RAD23A: variants seen among roughly 807,000 people sequenced by gnomAD.
The protein encoded by RAD23A is lysine-specific demethylase RAD23A.
RAD23A carries 16 observed loss-of-function variants against 44.8 expected under a neutral mutation model. The ratio of observed to expected loss-of-function variants is 0.36; its 90% CI spans 0.24 to 0.54. The LOEUF (loss-of-function observed/expected upper bound fraction) is 0.54, where lower values mean the gene tolerates loss of function less well. Ranked by LOEUF, RAD23A falls within the 20% of genes least tolerant of loss-of-function variation. The pLI, the probability that RAD23A is intolerant of heterozygous loss-of-function variation, is 0.89. For synonymous variants in RAD23A, 217 were observed against 202.9 expected (o/e 1.07, Z -0.59); for missense variants, 380 against 483.3 (o/e 0.79, Z 2.00).
At chr19:12,946,754 GA>G (rs1313659087) in intron 1 of RAD23A, among the ~76,000 whole-genome samples, 1 of 152,196 alleles carries the variant, frequency 6.6e-6, no homozygotes, top group East Asian at 1.9e-4. Flanking sequence ...CAAACATACT[GA>G]ATGTCTATTG....
At position 12,948,107 on chromosome 19, in the gene RAD23A, G is replaced by A. The variant is rs1971712463; in HGVS notation, c.235-70G>A. On this transcript the variant is annotated intron_variant, in intron 2 of 8. Transcript: ENST00000586534. This position sits in a 1 kb window ranked among gnomAD's most constrained non-coding sequence, Gnocchi z 5.5. ...AGAGATTAGCTGTGAACAGGGCGGG[G>A]CCACAGCGGAGCGGGTTGTTGGGTC... 3 of 1,607,468 alleles carry A rather than the reference G, an allele frequency of 1.9e-6. No homozygotes were observed. The highest frequency in any genetic ancestry group is 2.2e-5 in the East Asian group (1 of 44,846).
chr19:12,952,923 T>A lies in RAD23A; in HGVS notation c.979-13T>A, dbSNP rs45495998. The A allele has an allele frequency of 1.2e-6, 2 of 1,613,148 alleles. No individual in the cohort carries two copies. The highest frequency in any genetic ancestry group is 3.3e-5 in the Admixed American group (2 of 59,856). Reference sequence around the variant, plus strand: ...TACCCTCTCCTGCTCACACTTAACCTATCTTCCCACAGTTGAAGGCCCTGG... The same window carrying A: ...TACCCTCTCCTGCTCACACTTAACCAATCTTCCCACAGTTGAAGGCCCTGG... On this transcript the variant is annotated splice_polypyrimidine_tract_variant and intron_variant, in intron 8 of 8. Transcript: ENST00000586534.
At chr19:12,949,436 G>A (rs1370082946) in intron 7 of RAD23A, 28 bp downstream of exon 7, 1 of 1,603,150 alleles carries the variant, frequency 6.2e-7, no homozygotes, top group Non-Finnish European at 8.5e-7. Context: ...GAGGGAGCTA[G>A]GGCAGCCACC....
chr19:12,950,054 G>GA (rs776325154), intron 7 of RAD23A, among the ~76,000 whole-genome samples: 35 of 151,954 alleles, frequency 2.3e-4, no homozygotes, highest in Non-Finnish European at 4.6e-4. Context: ...GTGTCCTGGG[G>GA]CCTTCAGTCT....
At chr19:12,946,177 G>A (rs1599665615) in intron 1 of RAD23A, among the ~76,000 whole-genome samples, 157 bp downstream of exon 1, 1 of 152,200 alleles carries the variant, frequency 6.6e-6, no homozygotes, top group African/African-American at 2.4e-5. Flanking sequence ...ACCCCCCGAT[G>A]GTCTTTGGCC....
Position 12,947,826 on chromosome 19 carries a change from C to CT in RAD23A, c.73-21dup, listed in dbSNP as rs764554129. 3.1e-6 allele frequency: 5 copies of CT among 1,611,076 alleles called. 1 individual carries two copies. The South Asian group carries it at 5.5e-5, about 18-fold the overall frequency. On this transcript the variant is annotated intron_variant, in intron 1 of 8. Transcript: ENST00000586534. ...AAGAGAATCTTGGGGTCTCCAGTGA[C>CT]TGTCTGTACCACTCCCTCTAGGTGA...
rs753994476 is a variant in RAD23A, at chr19:12,948,522, G to C, written c.442G>C (p.Gly148Arg). The C allele has an allele frequency of 6.3e-7, 1 of 1,595,156 alleles. No individual in the cohort carries two copies. Among genetic ancestry groups the C allele is most frequent in the Non-Finnish European group, 8.5e-7 (1 of 1,170,490 alleles). The change falls in exon 4 of 9, where the codon GGG (glycine) becomes CGG (arginine). Residue 148 changes from glycine to arginine, a missense_variant. By Grantham distance (125) the Gly-to-Arg change is moderately radical. Around this residue, in one of 3 missense-constraint regions of RAD23A, gnomAD observed 279 missense variants for 313.7 expected, o/e 0.89. Coordinates refer to ENST00000586534, the MANE Select transcript of RAD23A (RefSeq NM_005053.4). The surrounding 1 kb of genome is among the most constrained non-coding windows in gnomAD (Gnocchi z 5.5). ...SGSVPSSGSSGREEDAASTLV... is the reference protein window; with the variant it reads ...SGSVPSSGSSRREEDAASTLV... ...CTCTGTTCCCTCTTCAGGTAGCAGCGGGCGAGAGGAAGACGCGGCCTCCAC... is the reference window on the plus strand; with the variant it reads ...CTCTGTTCCCTCTTCAGGTAGCAGCCGGCGAGAGGAAGACGCGGCCTCCAC...
chr19:12,949,534 C>T (rs947237586), intron 7 of RAD23A, 126 bp downstream of exon 7: 30 of 1,316,068 alleles, frequency 2.3e-5, no homozygotes, highest in African/African-American at 5.9e-5. Context: ...GCTTCCCCCA[C>T]GCCCCTGTGC....
chr19:12,947,316 A>G (rs958104005), intron 1 of RAD23A, among the ~76,000 whole-genome samples: 2 of 151,982 alleles, frequency 1.3e-5, no homozygotes, highest in Admixed American at 1.3e-4. Context: ...AGTCCTAGCT[A>G]CTCCCAAGGC....
chr19:12,950,469 A>G (rs770932960), intron 7 of RAD23A, among the ~76,000 whole-genome samples: 2 of 152,044 alleles, frequency 1.3e-5, no homozygotes, highest in East Asian at 1.9e-4. Context: ...CAATGGCGCA[A>G]TCCCGGCTCA....
At chr19:12,947,425 TAAAATTA>T (rs1971698408) in intron 1 of RAD23A, among the ~76,000 whole-genome samples, 1 of 152,224 alleles carries the variant, frequency 6.6e-6, no homozygotes, top group Admixed American at 6.5e-5. Flanking sequence ...TCCTGCCTCT[TAAAATTA>T]AAAAATATCA....
At chr19:12,946,762 A>G (rs1420923093) in intron 1 of RAD23A, among the ~76,000 whole-genome samples, 3 of 152,226 alleles carry the variant, frequency 2.0e-5, no homozygotes, top group Non-Finnish European at 2.9e-5. Flanking sequence ...CTGAATGTCT[A>G]TTGGGTACTT....
rs527707600 is a variant in RAD23A, at chr19:12,948,185, C to A, written c.243C>A (p.Ala81=). 4 of 1,613,944 alleles carry A rather than the reference C, an allele frequency of 2.5e-6. No individual in the cohort carries two copies. The highest frequency in any genetic ancestry group is 3.4e-6 in the Non-Finnish European group (4 of 1,180,014). The change falls in exon 3 of 9, where the codon GCC becomes GCA. Residue 81 remains alanine (A), a synonymous_variant. Coordinates refer to ENST00000586534, the MANE Select transcript of RAD23A (RefSeq NM_005053.4). This position sits in a 1 kb window ranked among gnomAD's most constrained non-coding sequence, Gnocchi z 5.5. ...FVVVMVTKTK[A]GQGTSAPPEA... Reference sequence around the variant, plus strand: ...TTTTCTTGCTGTTGCAGACCAAAGCCGGCCAGGGTACCTCAGCACCCCCAG... The same window carrying A: ...TTTTCTTGCTGTTGCAGACCAAAGCAGGCCAGGGTACCTCAGCACCCCCAG...
chr19:12,949,540 T>C, intron 7 of RAD23A, 132 bp downstream of exon 7: 1 of 1,254,340 alleles, frequency 8.0e-7, no homozygotes, highest in Non-Finnish European at 1.1e-6. Context: ...CCCACGCCCC[T>C]GTGCTTCCTG....
intron 7 of RAD23A, 116 bp from the exon 8 acceptor site, chr19:12,952,573 A>G (rs1971843385): frequency 8.1e-7 from 1 of 1,233,598 alleles, no homozygotes; most frequent in Non-Finnish European, 1.1e-6. Flanking sequence ...GTTTGGCCAG[A>G]ACAGGCTCCT....
intron 7 of RAD23A, among the ~76,000 whole-genome samples, chr19:12,951,524 G>A (rs1036780905): frequency 4.6e-5 from 7 of 152,122 alleles, no homozygotes; most frequent in East Asian, 1.9e-4. Flanking sequence ...TCAGCTCACC[G>A]TAACCTCCGC....
chr19:12,947,531 C>T (rs1013982927), intron 1 of RAD23A, among the ~76,000 whole-genome samples: 16 of 152,260 alleles, frequency 1.1e-4, no homozygotes, highest in African/African-American at 3.4e-4. Flanking sequence ...TTATACTACC[C>T]GAAATTACAT....
At position 12,952,760 on chromosome 19, in the gene RAD23A, A is replaced by G; in HGVS notation, c.885A>G (p.Ser295=). Residue 295 remains serine (S), a synonymous_variant, in exon 8 of 9, where the codon TCA becomes TCG. Transcript: ENST00000586534. ...CCCCTGGGGAGCTGGCGGACATCTCAGATGTGGAGGGGGAGGTGGGCGCCA... is the reference window on the plus strand; with the variant it reads ...CCCCTGGGGAGCTGGCGGACATCTCGGATGTGGAGGGGGAGGTGGGCGCCA... ...NEPPGELADI[S]DVEGEVGAIG... is the part of the protein sequence containing the mutation. 6.2e-7 allele frequency: 1 copy of G among 1,613,506 alleles called. No individual in the cohort carries two copies. The highest frequency in any genetic ancestry group is 8.5e-7 in the Non-Finnish European group (1 of 1,179,804).
At chr19:12,952,533 G>C (rs1277322691) in intron 7 of RAD23A, 156 bp from the exon 8 acceptor site, 5 of 836,400 alleles carry the variant, frequency 6.0e-6, no homozygotes, top group African/African-American at 1.8e-5. Context: ...AGCTCTTCCA[G>C]GGTAGGGCTT....
Sources: gnomAD v4.1 joint callset for allele counts (sites outside exome capture counted in the v4.1 genomes callset) on GRCh38, gnomAD v4.1.1 for gene constraint, gnomAD v4.1.1 regional missense constraint, Gnocchi (gnomAD v3.1) non-coding constraint, MANE v1.5 for transcripts, NCBI Gene and HGNC (gene_info 2026-07-23, HGNC 2026-07-21) for gene names.